Variants in ME3 observed in about 807,000 individuals in gnomAD.
ME3 encodes the protein NADP-dependent malic enzyme, mitochondrial.
In ME3, 48 loss-of-function variants were observed where a neutral mutation model predicts 68.9. The observed-to-expected ratio is 0.70, with a 90% CI of 0.55 to 0.89. ME3 has a LOEUF of 0.89. ME3 is among the 40% of genes least tolerant of loss of function. The probability of loss-of-function intolerance (pLI) is 0.00; values close to 1 mark genes in which losing one functional copy is unlikely to be tolerated. For missense variants in ME3, 675 were observed against 797.4 expected (o/e 0.85, Z 1.85); for synonymous variants, 320 against 318.8 (o/e 1.00, Z -0.04).
At chr11:86,483,210 A>G (rs1390985992) in intron 7 of ME3, among the ~76,000 whole-genome samples, 1 of 152,206 alleles carries the variant, frequency 6.6e-6, no homozygotes, top group Non-Finnish European at 1.5e-5. Flanking sequence ...AGCCGTCCAA[A>G]TGTAAAGGTA....
At chr11:86,465,601 C>G (rs1009274255) in intron 7 of ME3, among the ~76,000 whole-genome samples, 2 of 152,146 alleles carry the variant, frequency 1.3e-5, no homozygotes, top group African/African-American at 4.8e-5. Context: ...TGCATGCAGA[C>G]AGACCAGCTT....
chr11:86,586,808 G>A lies in ME3; in HGVS notation c.184-26985C>T, dbSNP rs557835739. Reference sequence around the variant, plus strand: ...TGTGTCCTGACTTGGGAGCCGAAGAGTGAAATAATAAGCAACCTCCATATG... The same window carrying A: ...TGTGTCCTGACTTGGGAGCCGAAGAATGAAATAATAAGCAACCTCCATATG... On this transcript the variant is annotated intron_variant, in intron 2 of 14. Transcript: ENST00000543262. 3.9e-5 allele frequency among the ~76,000 whole-genome samples: 6 copies of A among 152,262 alleles called. No homozygotes were observed. The East Asian group carries it at 1.2e-3, about 29-fold the overall frequency.
intron 4 of ME3, among the ~76,000 whole-genome samples, chr11:86,548,399 CTCCTCCTCCTTCCACCT>C (rs1956485612): frequency 6.6e-6 from 1 of 152,168 alleles, no homozygotes; most frequent in East Asian, 1.9e-4. Context: ...TTTGGAAGGA[CTCCTCCTCCTTCCACCT>C]TCCTAAGATC....
At chr11:86,453,643 C>A (rs1032682127) in intron 8 of ME3, among the ~76,000 whole-genome samples, 7 of 152,126 alleles carry the variant, frequency 4.6e-5, no homozygotes, top group African/African-American at 1.7e-4. Flanking sequence ...TAAGTATGTC[C>A]TATGCAATAT....
intron 5 of ME3, among the ~76,000 whole-genome samples, chr11:86,507,044 C>T (rs542289613): frequency 1.6e-4 from 25 of 152,184 alleles, no homozygotes; most frequent in Non-Finnish European, 3.4e-4. Flanking sequence ...AGGACTAGGG[C>T]CTTGGCTATG....
At chr11:86,500,518 C>G (rs1235911306) in intron 5 of ME3, among the ~76,000 whole-genome samples, 1 of 152,248 alleles carries the variant, frequency 6.6e-6, no homozygotes, top group African/African-American at 2.4e-5. Context: ...TCTCTCCTGC[C>G]AACCAATGTC....
At chr11:86,558,026 G>A (rs116779315) in intron 3 of ME3, among the ~76,000 whole-genome samples, 44 of 152,248 alleles carry the variant, frequency 2.9e-4, no homozygotes, top group African/African-American at 1.1e-3. Flanking sequence ...AAATAAGCGG[G>A]TCAAGGTGGT....
intron 4 of ME3, among the ~76,000 whole-genome samples, chr11:86,548,188 T>C (rs1365739563): frequency 6.6e-6 from 1 of 152,218 alleles, no homozygotes; most frequent in East Asian, 1.9e-4. Flanking sequence ...ATTCACTTTT[T>C]CAGATGCAAA....
At chr11:86,612,621 G>T (rs1043087809) in intron 2 of ME3, among the ~76,000 whole-genome samples, 4 of 152,112 alleles carry the variant, frequency 2.6e-5, no homozygotes, top group Admixed American at 6.5e-5. Context: ...GGTGCGAGAT[G>T]GTATCTCATT....
intron 6 of ME3, among the ~76,000 whole-genome samples, chr11:86,492,917 G>A (rs2138976100): frequency 6.6e-6 from 1 of 152,302 alleles, no homozygotes; most frequent in Middle Eastern, 3.4e-3. Context: ...GAACCTGGGG[G>A]TCTGGGAGGT....
intron 8 of ME3, among the ~76,000 whole-genome samples, 178 bp from the exon 9 acceptor site, chr11:86,450,576 T>A (rs1408959188): frequency 6.6e-6 from 1 of 152,212 alleles, no homozygotes; most frequent in East Asian, 1.9e-4. Flanking sequence ...TGCAGATAAC[T>A]TTTTTGTTGT....
intron 7 of ME3, among the ~76,000 whole-genome samples, chr11:86,467,066 G>T (rs536541217): frequency 6.6e-6 from 1 of 151,030 alleles, no homozygotes; most frequent in Admixed American, 6.6e-5. Context: ...ATATATTGAA[G>T]GTATAAAATG....
chr11:86,505,666 T>C (rs111657059), intron 5 of ME3, among the ~76,000 whole-genome samples: 1,896 of 152,308 alleles, frequency 0.012, 36 homozygotes, highest in African/African-American at 0.042. Flanking sequence ...TGCCCTTCGA[T>C]GTGTATAGAC....
intron 2 of ME3, among the ~76,000 whole-genome samples, chr11:86,607,696 T>TG (rs1303004159): frequency 1.3e-4 from 8 of 62,776 alleles, no homozygotes; most frequent in Non-Finnish European, 1.9e-4. Flanking sequence ...GGGAAGTCGG[T>TG]GTTTTTTTTA....
chr11:86,523,226 G>A (rs1370034143), intron 4 of ME3, among the ~76,000 whole-genome samples: 2 of 152,214 alleles, frequency 1.3e-5, no homozygotes, highest in African/African-American at 4.8e-5. Context: ...AGCTCCCATT[G>A]GGAACATTTT....
At chr11:86,537,286 TAAAA>T (rs200108181) in intron 4 of ME3, among the ~76,000 whole-genome samples, 35 of 149,428 alleles carry the variant, frequency 2.3e-4, no homozygotes, top group African/African-American at 8.6e-4. Flanking sequence ...TAAAGTATAA[TAAAA>T]AAAAACAGTT....
intron 4 of ME3, among the ~76,000 whole-genome samples, chr11:86,549,837 G>C (rs1956576559): frequency 6.6e-6 from 1 of 152,210 alleles, no homozygotes; most frequent in Non-Finnish European, 1.5e-5. Context: ...AGATGAGGGG[G>C]CTTGGGTGGT....
At chr11:86,468,856 C>T (rs1950628636) in intron 7 of ME3, among the ~76,000 whole-genome samples, 1 of 152,152 alleles carries the variant, frequency 6.6e-6, no homozygotes, top group African/African-American at 2.4e-5. Flanking sequence ...GAGCTCTTTA[C>T]ATACATTATC....
intron 2 of ME3, among the ~76,000 whole-genome samples, chr11:86,562,116 T>C (rs981200655): frequency 1.3e-5 from 2 of 152,194 alleles, no homozygotes; most frequent in African/African-American, 4.8e-5. Context: ...TGACCTTCTT[T>C]ACTGACTCTA....
Sources: gnomAD v4.1 joint callset for allele counts (sites outside exome capture counted in the v4.1 genomes callset) on GRCh38, gnomAD v4.1.1 for gene constraint, MANE v1.5 for transcripts, NCBI Gene and HGNC (gene_info 2026-07-23, HGNC 2026-07-21) for gene names.